ATP13A4: variants seen among roughly 807,000 people sequenced by gnomAD.
ATP13A4 encodes probable cation-transporting ATPase 13A4.
In ATP13A4, 114 loss-of-function variants were observed where a neutral mutation model predicts 142.5. The ratio of observed to expected loss-of-function variants is 0.80; its 90% CI spans 0.69 to 0.93. ATP13A4 has a LOEUF of 0.93. Among genes scored for constraint, ATP13A4 ranks in the 40% least tolerant of loss-of-function variants. The pLI, the probability that ATP13A4 is intolerant of heterozygous loss-of-function variation, is 0.00. For missense variants in ATP13A4, 1,392 were observed against 1,454.0 expected (o/e 0.96, Z 0.69); for synonymous variants, 488 against 514.8 (o/e 0.95, Z 0.70).
chr3:193,423,905 CATGCTCTT>C (rs1715522712), intron 25 of ATP13A4, among the ~76,000 whole-genome samples: 2 of 149,224 alleles, frequency 1.3e-5, no homozygotes, highest in Non-Finnish European at 3.0e-5. Flanking sequence ...TTGGTGGTGG[CATGCTCTT>C]ATACATAGAT....
intron 25 of ATP13A4, among the ~76,000 whole-genome samples, chr3:193,430,765 T>A (rs1215601194): frequency 6.6e-6 from 1 of 152,000 alleles, no homozygotes. Context: ...GTGAAGTTGG[T>A]GAAGTAGTCA....
In ATP13A4 at chr3:193,459,105, G is replaced by A; in HGVS notation, c.1650C>T (p.Leu550=). 6.2e-7 allele frequency: 1 copy of A among 1,614,232 alleles called. No individual in the cohort carries two copies. Among genetic ancestry groups the A allele is most frequent in the Non-Finnish European group, 8.5e-7 (1 of 1,180,046 alleles). ...CCCAGGTGGTGGCTTCAAACATTTT[G>A]AGGTCCAGAGGGTCTCCCTGGATGG... ...DGTIQGDPLD[L]KMFEATTWEM... Residue 550 remains leucine (L), a synonymous_variant, in exon 14 of 30, where the codon CTC becomes CTT. Coordinates refer to ENST00000342695, the MANE Select transcript of ATP13A4 (RefSeq NM_032279.4).
At chr3:193,418,121 CAAAAAAAAAAAAAAAAAAAAAAAAAAAAA>C (rs558796010) in intron 25 of ATP13A4, among the ~76,000 whole-genome samples, 1 of 15,808 alleles carries the variant, frequency 6.3e-5, no homozygotes, top group East Asian at 2.2e-3. Context: ...GACTCCGTCT[CAAAAAAAAAAAAAAAAAAAAAAAAAAAAA>C]AAAAAAAAAA....
intron 18 of ATP13A4, among the ~76,000 whole-genome samples, chr3:193,445,878 C>T (rs1185584244): frequency 6.6e-6 from 1 of 151,752 alleles, no homozygotes; most frequent in East Asian, 1.9e-4. Context: ...ACCCCACACA[C>T]AATTTAACAA....
At chr3:193,545,742 G>C (rs375337810) in intron 1 of ATP13A4, among the ~76,000 whole-genome samples, 1 of 152,030 alleles carries the variant, frequency 6.6e-6, no homozygotes, top group Admixed American at 6.5e-5. Flanking sequence ...GACCCTATAC[G>C]GTTCGGCACT....
At chr3:193,507,458 T>A (rs548618655) in intron 2 of ATP13A4, among the ~76,000 whole-genome samples, 1 of 152,172 alleles carries the variant, frequency 6.6e-6, no homozygotes, top group Non-Finnish European at 1.5e-5. Context: ...GATTTAGTTA[T>A]AATATACATA....
At chr3:193,546,174 T>G (rs1723212577) in intron 1 of ATP13A4, among the ~76,000 whole-genome samples, 1 of 152,168 alleles carries the variant, frequency 6.6e-6, no homozygotes, top group African/African-American at 2.4e-5. Flanking sequence ...TCTTGAAGAT[T>G]GAAACTTACA....
intron 2 of ATP13A4, among the ~76,000 whole-genome samples, chr3:193,506,035 T>G (rs1227765000): frequency 6.6e-6 from 1 of 152,210 alleles, no homozygotes; most frequent in African/African-American, 2.4e-5. Context: ...CAACAAATGG[T>G]ATGGCTCTGT....
chr3:193,480,433 A>T (rs1455354876), intron 8 of ATP13A4, among the ~76,000 whole-genome samples: 3 of 152,152 alleles, frequency 2.0e-5, no homozygotes, highest in African/African-American at 7.2e-5. Context: ...ATCAGCAAGA[A>T]AAAAACAAAC....
intron 8 of ATP13A4, among the ~76,000 whole-genome samples, chr3:193,477,956 C>G (rs1183575127): frequency 3.9e-5 from 6 of 152,030 alleles, no homozygotes; most frequent in Admixed American, 3.9e-4. Flanking sequence ...ATATGAATTA[C>G]TTAAAAATAA....
Position 193,514,622 on chromosome 3 carries a change from TC to T in ATP13A4, c.234+75del, listed in dbSNP as rs914357938. 39 of 1,581,386 alleles carry T rather than the reference TC, an allele frequency of 2.5e-5. 1 individual carries two copies. In the Admixed American group the frequency reaches 4.2e-4, roughly 17 times the overall value. ...ACCTGCTATCTGTCTTGTGCACATC[TC>T]CCCCCAGCCATCCCGTAACACATTG... is the stretch of plus-strand genomic sequence containing the variant. On this transcript the variant is annotated intron_variant, in intron 2 of 29. Coordinates refer to ENST00000342695, the MANE Select transcript of ATP13A4 (RefSeq NM_032279.4).
At chr3:193,474,322 C>CAAAAAAAAAAAAAAAAAA in intron 8 of ATP13A4, among the ~76,000 whole-genome samples, 1 of 69,090 alleles carries the variant, frequency 1.4e-5, no homozygotes, top group Non-Finnish European at 2.8e-5. Flanking sequence ...GACTCCGTCT[C>CAAAAAAAAAAAAAAAAAA]AAAAAAAAAA....
chr3:193,467,079 G>A (rs1266925034), intron 10 of ATP13A4, among the ~76,000 whole-genome samples: 2 of 152,042 alleles, frequency 1.3e-5, no homozygotes, highest in Admixed American at 6.6e-5. Flanking sequence ...ACAACTGCTT[G>A]AGGGAATAGA....
chr3:193,413,930 C>T (rs1240720780), intron 26 of ATP13A4, among the ~76,000 whole-genome samples: 1 of 152,146 alleles, frequency 6.6e-6, no homozygotes. Flanking sequence ...TTGTGACCTA[C>T]TCCCTGTTCA....
chr3:193,425,726 G>C (rs1715626044), intron 25 of ATP13A4, among the ~76,000 whole-genome samples: 1 of 151,748 alleles, frequency 6.6e-6, no homozygotes, highest in Non-Finnish European at 1.5e-5. Flanking sequence ...ATAGAGAGGA[G>C]AAGGGGATGG....
chr3:193,406,821 G>C (rs1417225517), intron 29 of ATP13A4, among the ~76,000 whole-genome samples: 2 of 152,134 alleles, frequency 1.3e-5, no homozygotes, highest in Non-Finnish European at 2.9e-5. Context: ...TCAGAAAGTA[G>C]AATAGTGATT....
chr3:193,479,894 A>C (rs1296252539), intron 8 of ATP13A4, among the ~76,000 whole-genome samples: 1 of 152,250 alleles, frequency 6.6e-6, no homozygotes, highest in Admixed American at 6.5e-5. Context: ...TCACCAAAAC[A>C]GCATGGTACT....
chr3:193,407,574 G>A (rs78889212), intron 28 of ATP13A4, among the ~76,000 whole-genome samples, 181 bp from the exon 29 acceptor site: 2,753 of 152,068 alleles, frequency 0.018, 36 homozygotes, highest in Middle Eastern at 0.044. Context: ...GAAAAAGTAC[G>A]GAAAGGTTAT....
At chr3:193,415,724 A>G (rs1430709079) in intron 25 of ATP13A4, among the ~76,000 whole-genome samples, 2 of 152,234 alleles carry the variant, frequency 1.3e-5, no homozygotes, top group Admixed American at 1.3e-4. Flanking sequence ...TGAAAACATT[A>G]TTAGGCTAAC....
Sources: gnomAD v4.1 joint callset for allele counts (sites outside exome capture counted in the v4.1 genomes callset) on GRCh38, gnomAD v4.1.1 for gene constraint, MANE v1.5 for transcripts, NCBI Gene and HGNC (gene_info 2026-07-23, HGNC 2026-07-21) for gene names.